Variants in RMDN3 observed in about 807,000 individuals in gnomAD.
RMDN3 encodes the protein regulator of microtubule dynamics 3.
In RMDN3, 41 loss-of-function variants were observed where a neutral mutation model predicts 61.8. The observed-to-expected ratio is 0.66, with a 90% CI of 0.52 to 0.86. RMDN3 has a LOEUF of 0.86. Ranked by LOEUF, RMDN3 falls within the 40% of genes least tolerant of loss-of-function variation. The pLI, the probability that RMDN3 is intolerant of heterozygous loss-of-function variation, is 0.00. For missense variants in RMDN3, 557 were observed against 585.3 expected (o/e 0.95, Z 0.50); for synonymous variants, 247 against 232.0 (o/e 1.06, Z -0.59).
intron 6 of RMDN3, among the ~76,000 whole-genome samples, chr15:40,742,566 G>C (rs1267312872): frequency 6.6e-6 from 1 of 152,208 alleles, no homozygotes; most frequent in Non-Finnish European, 1.5e-5. Context: ...CCAGCTCCTA[G>C]AGATACAATG....
Position 40,744,103 on chromosome 15 carries a change from CTG to C in RMDN3, c.852_853del (p.Tyr284Ter). On this transcript the variant is annotated stop_gained and frameshift_variant, in exon 6 of 13. Transcript: ENST00000338376. LOFTEE classifies it high-confidence loss of function. ...CTCCTCAGTGAGCTCACACATGTCA[CTG>C]TAGGCTCGGGCCAGGCGCCAGAGAA... 6.2e-7 allele frequency: 1 copy of C among 1,613,748 alleles called. No homozygotes were observed. The highest frequency in any genetic ancestry group is 8.5e-7 in the Non-Finnish European group (1 of 1,180,018).
At chr15:40,738,350 C>T in intron 8 of RMDN3, 151 bp downstream of exon 8, 1 of 743,532 alleles carries the variant, frequency 1.3e-6, no homozygotes, top group South Asian at 1.8e-5. Context: ...CCACTGCACT[C>T]CAGCTTGGGC....
chr15:40,744,827 G>A, intron 5 of RMDN3, 150 bp downstream of exon 5: 1 of 833,516 alleles, frequency 1.2e-6, no homozygotes. Context: ...TGACCTGGGG[G>A]ACAGATGCAA....
chr15:40,744,990 T>G lies in RMDN3; in HGVS notation c.794A>C (p.Asn265Thr). ...CTGGAGCCTCACCACCAGCTTGTTG[T>G]TGAGCAGCAGCTGGAAGCCCTCCCG... Reference protein sequence around the residue: ...GKREGFQLLLNNKLVYGSRQD... With the variant: ...GKREGFQLLLTNKLVYGSRQD... Residue 265 changes from asparagine (N) to threonine (T), a missense_variant, in exon 5 of 13, where the codon AAC (asparagine) becomes ACC (threonine). By Grantham distance (65) the Asn-to-Thr change is moderately conservative (BLOSUM62 0). Transcript: ENST00000338376. 1 of 1,603,596 alleles carries G rather than the reference T, an allele frequency of 6.2e-7. No individual in the cohort carries two copies. The highest frequency in any genetic ancestry group is 8.5e-7 in the Non-Finnish European group (1 of 1,173,070).
chr15:40,755,045 G>A (rs1009020708), intron 1 of RMDN3, 38 bp downstream of exon 1: 1 of 427,204 alleles, frequency 2.3e-6, no homozygotes, highest in Non-Finnish European at 4.3e-6. Flanking sequence ...CCCCCGACCC[G>A]GGTCACAGAG....
At chr15:40,739,625 G>C (rs558808101) in intron 7 of RMDN3, 1 of 155,158 alleles carries the variant, frequency 6.4e-6, no homozygotes, top group African/African-American at 2.4e-5. Flanking sequence ...TAAGCTGACA[G>C]AACTTTGCCT....
intron 4 of RMDN3, among the ~76,000 whole-genome samples, chr15:40,745,773 A>G (rs1267403169): frequency 6.6e-6 from 1 of 152,180 alleles, no homozygotes; most frequent in African/African-American, 2.4e-5. Flanking sequence ...GTTAAGGCAA[A>G]TGTGAGAAGT....
chr15:40,745,290 G>T (rs774190360), intron 4 of RMDN3, 31 bp from the exon 5 acceptor site: 3 of 1,605,080 alleles, frequency 1.9e-6, no homozygotes, highest in Non-Finnish European at 2.5e-6. Context: ...ACAACAAGAG[G>T]ATTATTCAGC....
At chr15:40,749,590 C>T (rs1897726026) in intron 4 of RMDN3, among the ~76,000 whole-genome samples, 1 of 152,202 alleles carries the variant, frequency 6.6e-6, no homozygotes, top group Admixed American at 6.5e-5. Context: ...GAGCTGTGAC[C>T]TCTCCTTCTG....
rs1458323354 is a variant in RMDN3, at chr15:40,752,046, T to G, written c.320A>C (p.Glu107Ala). Reference sequence around the variant, plus strand: ...CAGGCTGCTTCTCAGCTCCTCCACCTCCCGCCGCAGCGCCACAAGGCTGGT... The same window carrying G: ...CAGGCTGCTTCTCAGCTCCTCCACCGCCCGCCGCAGCGCCACAAGGCTGGT... Reference protein sequence around the residue: ...VLTSLVALRREVEELRSSLRG... With the variant: ...VLTSLVALRRAVEELRSSLRG... Residue 107 changes from glutamate to alanine, a missense_variant, in exon 3 of 13, where the codon GAG (glutamate) becomes GCG (alanine). By Grantham distance (107) the Glu-to-Ala change is moderately radical. Transcript: ENST00000338376. The G allele has an allele frequency of 6.2e-7, 1 of 1,613,948 alleles. No individual in the cohort carries two copies. Among genetic ancestry groups the G allele is most frequent in the East Asian group, 2.2e-5 (1 of 44,894 alleles).
At chr15:40,746,927 A>G (rs546619974) in intron 4 of RMDN3, among the ~76,000 whole-genome samples, 195 of 152,234 alleles carry the variant, frequency 1.3e-3, no homozygotes, top group African/African-American at 4.6e-3. Context: ...GATAAGTGTC[A>G]TTAGATTTCG....
chr15:40,752,307 G>A (rs571697125), intron 2 of RMDN3, 129 bp from the exon 3 acceptor site: 7 of 883,844 alleles, frequency 7.9e-6, no homozygotes, highest in South Asian at 3.5e-5. Flanking sequence ...GATAGCACAC[G>A]TTCACAGCCA....
rs542851216 is a variant in RMDN3, at chr15:40,737,241, C to CT, written c.1279-38dup. ...CAACAGTGAAACCTGATACTGTGTA[C>CT]TTTCAGGAGTTCCCAGATCTATGTT... On this transcript the variant is annotated intron_variant, in intron 11 of 12. Coordinates refer to ENST00000338376, the MANE Select transcript of RMDN3 (RefSeq NM_018145.3). 2.4e-4 allele frequency: 386 copies of CT among 1,610,578 alleles called. No individual in the cohort carries two copies. In the African/African-American group the frequency reaches 4.2e-3, roughly 18 times the overall value.
intron 4 of RMDN3, among the ~76,000 whole-genome samples, chr15:40,750,360 C>A (rs917956541): frequency 2.6e-5 from 4 of 152,034 alleles, no homozygotes; most frequent in Admixed American, 1.3e-4. Flanking sequence ...GCTGGGATTA[C>A]AGGCATGCAC....
chr15:40,739,111 A>T (rs1294187180), intron 7 of RMDN3: 1 of 152,562 alleles, frequency 6.6e-6, no homozygotes, highest in Non-Finnish European at 1.5e-5. Flanking sequence ...CCAGAGGAAG[A>T]AAGACCTCCT....
At position 40,753,356 on chromosome 15, in the gene RMDN3, A is replaced by G. The variant is rs942954403; in HGVS notation, c.188-1178T>C. Among the ~76,000 whole-genome samples the G allele has an allele frequency of 2.0e-5, 3 of 152,204 alleles. No homozygotes were observed. The East Asian group carries it at 5.8e-4, about 29-fold the overall frequency. On this transcript the variant is annotated intron_variant, in intron 2 of 12. Transcript: ENST00000338376. ...GGGAAACCCCATCTTTACTAAAAAT[A>G]CAAAAATTAGCTGGGCATGGTGGCA...
intron 5 of RMDN3, among the ~76,000 whole-genome samples, chr15:40,744,692 T>C (rs1418321483): frequency 6.6e-6 from 1 of 151,388 alleles, no homozygotes; most frequent in Non-Finnish European, 1.5e-5. Flanking sequence ...GAGGTAGAGC[T>C]CTTTCTGCAG....
chr15:40,746,368 T>G (rs1490889478), intron 4 of RMDN3, among the ~76,000 whole-genome samples: 2 of 151,732 alleles, frequency 1.3e-5, no homozygotes, highest in Non-Finnish European at 2.9e-5. Flanking sequence ...TACAAAAAAT[T>G]AGCCAGGCAT....
chr15:40,743,549 C>T (rs1316092855), intron 6 of RMDN3, among the ~76,000 whole-genome samples: 1 of 152,208 alleles, frequency 6.6e-6, no homozygotes, highest in Admixed American at 6.5e-5. Context: ...TCTCTGACCT[C>T]ATGACAGATA....
Sources: gnomAD v4.1 joint callset for allele counts (sites outside exome capture counted in the v4.1 genomes callset) on GRCh38, gnomAD v4.1.1 for gene constraint, MANE v1.5 for transcripts, NCBI Gene and HGNC (gene_info 2026-07-23, HGNC 2026-07-21) for gene names.